The following CLYBL variants were observed in gnomAD, a reference collection of about 807,000 sequenced individuals.
The protein encoded by CLYBL is citramalyl-CoA lyase, also known as citramalyl-CoA lyase, mitochondrial.
Under a neutral mutation model 38.9 loss-of-function variants are expected in CLYBL, and 31 were observed. The observed-to-expected ratio is 0.80, with a 90% CI of 0.60 to 1.08. The LOEUF (loss-of-function observed/expected upper bound fraction) is 1.08, where lower values mean the gene tolerates loss of function less well. Ranked by LOEUF, CLYBL falls within the 50% of genes least tolerant of loss-of-function variation. The pLI is 0.00. For synonymous variants in CLYBL, 171 were observed against 158.6 expected, an observed-to-expected ratio of 1.08 and a Z score of -0.59; for missense variants, 434 against 411.6, an observed-to-expected ratio of 1.05 and a Z score of -0.47.
At chr13:99,650,268 A>G (rs1261191846) in intron 1 of CLYBL, among the ~76,000 whole-genome samples, 1 of 151,964 alleles carries the variant, frequency 6.6e-6, no homozygotes, top group Non-Finnish European at 1.5e-5. Context: ...GTCTCAAAAA[A>G]AAAATCAGAG....
intron 1 of CLYBL, among the ~76,000 whole-genome samples, chr13:99,628,495 TC>T (rs1187344041): frequency 1.3e-5 from 2 of 152,204 alleles, no homozygotes; most frequent in Non-Finnish European, 2.9e-5. Flanking sequence ...CCTCATCCTT[TC>T]CCTGGTGGCT....
At chr13:99,770,825 G>A (rs989853239) in intron 1 of CLYBL, among the ~76,000 whole-genome samples, 23 of 150,338 alleles carry the variant, frequency 1.5e-4, no homozygotes, top group African/African-American at 5.4e-4. Flanking sequence ...GGGTTCAAGC[G>A]ATTCTCCTGC....
At chr13:99,638,869 A>C (rs542122295) in intron 1 of CLYBL, among the ~76,000 whole-genome samples, 2 of 152,302 alleles carry the variant, frequency 1.3e-5, no homozygotes, top group Admixed American at 6.5e-5. Flanking sequence ...TAACCTTCCC[A>C]TCACTGGGTC....
At chr13:99,823,334 CTA>C (rs981610349) in intron 2 of CLYBL, among the ~76,000 whole-genome samples, 4 of 152,098 alleles carry the variant, frequency 2.6e-5, no homozygotes, top group Non-Finnish European at 1.5e-5. Context: ...GTAGCTGAGA[CTA>C]TAGGTGCAAA....
chr13:99,654,064 C>T (rs1164306143), intron 1 of CLYBL, among the ~76,000 whole-genome samples: 1 of 152,152 alleles, frequency 6.6e-6, no homozygotes, highest in African/African-American at 2.4e-5. Flanking sequence ...ACACATCTTC[C>T]CCAAGGCGGC....
chr13:99,820,172 T>G (rs1459392381), intron 2 of CLYBL, among the ~76,000 whole-genome samples: 3 of 152,112 alleles, frequency 2.0e-5, no homozygotes, highest in Non-Finnish European at 2.9e-5. Flanking sequence ...CTGACACTTC[T>G]GCATGAGCTC....
chr13:99,907,681 A>G (rs2052710791), intron 9 of CLYBL, among the ~76,000 whole-genome samples: 1 of 151,790 alleles, frequency 6.6e-6, no homozygotes, highest in African/African-American at 2.4e-5. Flanking sequence ...ACGTAGCATG[A>G]CCCCTCTATC....
At chr13:99,738,943 G>T (rs1323485831) in intron 1 of CLYBL, among the ~76,000 whole-genome samples, 1 of 152,206 alleles carries the variant, frequency 6.6e-6, no homozygotes, top group Non-Finnish European at 1.5e-5. Context: ...TTCAAAAAGT[G>T]CAGGGAATAC....
chr13:99,727,192 T>C (rs2048491578), intron 1 of CLYBL: 2 of 150,816 alleles, frequency 1.3e-5, no homozygotes, highest in Admixed American at 1.3e-4. Flanking sequence ...CTGTGCACAA[T>C]ACCTCAAAGA....
At chr13:99,824,257 G>GCACC (rs66867477) in intron 2 of CLYBL, among the ~76,000 whole-genome samples, 3 of 130,412 alleles carry the variant, frequency 2.3e-5, no homozygotes, top group African/African-American at 8.8e-5. Context: ...CTGACTAATA[G>GCACC]CCCCCCCCAC....
At chr13:99,775,874 T>C (rs1188746070) in intron 2 of CLYBL, among the ~76,000 whole-genome samples, 1 of 151,758 alleles carries the variant, frequency 6.6e-6, no homozygotes, top group Non-Finnish European at 1.5e-5. Flanking sequence ...AAAATAATAA[T>C]AACAATAGGC....
At chr13:99,653,221 G>T (rs746263142) in intron 1 of CLYBL, among the ~76,000 whole-genome samples, 2 of 152,154 alleles carry the variant, frequency 1.3e-5, no homozygotes, top group Non-Finnish European at 2.9e-5. Context: ...GACTTCAGAT[G>T]TTGTTTTCTA....
chr13:99,693,978 G>A (rs1347078156), intron 1 of CLYBL, among the ~76,000 whole-genome samples: 3 of 152,128 alleles, frequency 2.0e-5, no homozygotes, highest in Non-Finnish European at 4.4e-5. Flanking sequence ...AACAAAAGTC[G>A]TAATTGCCCA....
chr13:99,907,542 C>G (rs987278847), intron 9 of CLYBL, among the ~76,000 whole-genome samples: 1 of 151,512 alleles, frequency 6.6e-6, no homozygotes, highest in East Asian at 1.9e-4. Context: ...TTTGTATTTC[C>G]AAATTTTTCA....
chr13:99,684,329 G>A (rs1213772613), intron 1 of CLYBL, among the ~76,000 whole-genome samples: 1 of 151,468 alleles, frequency 6.6e-6, no homozygotes, highest in Non-Finnish European at 1.5e-5. Flanking sequence ...ACAGGTGCGT[G>A]CCACCACACC....
Position 99,758,201 on chromosome 13 carries a change from T to C in CLYBL, c.63-14623T>C, listed in dbSNP as rs190452432. Reference sequence around the variant, plus strand: ...GGTGACTATTATATTGAATCCCGGGTTGGGAACCCCGTCATGCTACGGGCC... The same window carrying C: ...GGTGACTATTATATTGAATCCCGGGCTGGGAACCCCGTCATGCTACGGGCC... On this transcript the variant is annotated intron_variant, in intron 1 of 8. Coordinates refer to ENST00000339105, the MANE Select transcript of CLYBL (RefSeq NM_206808.5). Among the ~76,000 whole-genome samples the C allele has an allele frequency of 1.4e-3, 210 of 152,314 alleles. 1 individual carries two copies. The highest frequency in any genetic ancestry group is 0.014 in the Admixed American group (207 of 15,286).
chr13:99,665,153 G>T (rs61974385), intron 1 of CLYBL, among the ~76,000 whole-genome samples: 4 of 150,990 alleles, frequency 2.6e-5, no homozygotes, highest in African/African-American at 9.7e-5. Context: ...AAGATTAAGT[G>T]GCATAAGTAT....
intron 1 of CLYBL, among the ~76,000 whole-genome samples, chr13:99,771,581 TA>T: frequency 6.6e-6 from 1 of 152,350 alleles, no homozygotes; most frequent in East Asian, 1.9e-4. Flanking sequence ...CATCTTCCTT[TA>T]CCATATCGTA....
intron 1 of CLYBL, among the ~76,000 whole-genome samples, chr13:99,697,763 C>T (rs754443396): frequency 6.6e-6 from 1 of 151,100 alleles, no homozygotes; most frequent in Non-Finnish European, 1.5e-5. Flanking sequence ...TCTCATGTCT[C>T]AGCCTCTCGA....
Sources: allele counts gnomAD v4.1 joint callset (sites outside exome capture counted in the v4.1 genomes callset), GRCh38; gene constraint gnomAD v4.1.1; transcripts MANE v1.5; gene names NCBI Gene and HGNC (gene_info 2026-07-23, HGNC 2026-07-21).